The following KIF26B variants were observed in gnomAD, a reference collection of about 807,000 sequenced individuals.
The protein encoded by KIF26B is kinesin family member 26B, also known as kinesin-like protein KIF26B.
Under a neutral mutation model 151.2 loss-of-function variants are expected in KIF26B, and 63 were observed. The observed-to-expected ratio is 0.42, with a 90% CI of 0.34 to 0.51. The LOEUF (loss-of-function observed/expected upper bound fraction) is 0.51, where lower values mean the gene tolerates loss of function less well. KIF26B is among the 20% of genes least tolerant of loss of function. The probability of loss-of-function intolerance (pLI) is 0.07; values close to 1 mark genes in which losing one functional copy is unlikely to be tolerated. For missense variants in KIF26B, 2,813 were observed against 2,913.6 expected (o/e 0.97, Z 0.79); for synonymous variants, 1,357 against 1,262.1 (o/e 1.08, Z -1.59).
intron 2 of KIF26B, among the ~76,000 whole-genome samples, chr1:245,160,355 A>C (rs1668512202): frequency 6.6e-6 from 1 of 152,200 alleles, no homozygotes; most frequent in African/African-American, 2.4e-5. Flanking sequence ...CCTTTTACCC[A>C]CTGTAGCCTT....
chr1:245,607,112 T>G (rs1278092866), intron 6 of KIF26B, among the ~76,000 whole-genome samples: 1 of 134,362 alleles, frequency 7.4e-6, no homozygotes, highest in Non-Finnish European at 1.6e-5. Flanking sequence ...GAATTGAAAA[T>G]GAGGAAAGAG....
intron 2 of KIF26B, among the ~76,000 whole-genome samples, chr1:245,176,926 C>T (rs1668817742): frequency 6.6e-6 from 1 of 152,210 alleles, no homozygotes; most frequent in South Asian, 2.1e-4. Flanking sequence ...CATAGACACA[C>T]AGGGGTATGG....
intron 3 of KIF26B, among the ~76,000 whole-genome samples, chr1:245,405,569 C>T (rs536553717): frequency 1.1e-4 from 16 of 151,924 alleles, no homozygotes; most frequent in African/African-American, 3.9e-4. Flanking sequence ...GACTCTCCCT[C>T]TCTGTATTTC....
chr1:245,333,324 A>G (rs77668514), intron 2 of KIF26B, among the ~76,000 whole-genome samples: 38,986 of 152,082 alleles, frequency 0.26, 7,429 homozygotes, highest in African/African-American at 0.51. Flanking sequence ...CATGATGTTA[A>G]GTCGAATCAG....
chr1:245,420,005 G>A (rs1289065414), intron 4 of KIF26B, among the ~76,000 whole-genome samples: 1 of 152,144 alleles, frequency 6.6e-6, no homozygotes, highest in Non-Finnish European at 1.5e-5. Context: ...CCCTCCTCCA[G>A]TCGTGACTAC....
In KIF26B at chr1:245,666,907, A is replaced by G. The variant is rs945273429; in HGVS notation, c.2259-17326A>G. Among the ~76,000 whole-genome samples the G allele has an allele frequency of 2.6e-5, 4 of 152,284 alleles. No homozygotes were observed. The East Asian group carries it at 7.7e-4, about 29-fold the overall frequency. On this transcript the variant is annotated intron_variant, in intron 10 of 14. Coordinates refer to ENST00000407071, the MANE Select transcript of KIF26B (RefSeq NM_018012.4). The stretch of plus-strand genomic sequence containing the variant: ...ACAGCGGGGTCTGAGTGGCTTGGCC[A>G]GAGTCTTGGCCTCAAATTGAGGGCA...
At chr1:245,668,880 G>A (rs1242487412) in intron 10 of KIF26B, among the ~76,000 whole-genome samples, 1 of 152,006 alleles carries the variant, frequency 6.6e-6, no homozygotes, top group African/African-American at 2.4e-5. Context: ...TAGTAGAGAT[G>A]GGGTTTCGCC....
At chr1:245,628,866 CA>C (rs1470277411) in intron 9 of KIF26B, among the ~76,000 whole-genome samples, 1 of 152,136 alleles carries the variant, frequency 6.6e-6, no homozygotes, top group African/African-American at 2.4e-5. Flanking sequence ...CATTGGAGCC[CA>C]AAAACTTCTT....
chr1:245,204,455 C>T (rs567109190), intron 2 of KIF26B, among the ~76,000 whole-genome samples: 19 of 151,898 alleles, frequency 1.3e-4, no homozygotes, highest in Non-Finnish European at 1.8e-4. Context: ...CTCACCGCAA[C>T]ATCCATCTCC....
chr1:245,566,443 C>T (rs2043011109), intron 5 of KIF26B, among the ~76,000 whole-genome samples: 1 of 152,194 alleles, frequency 6.6e-6, no homozygotes, highest in African/African-American at 2.4e-5. Flanking sequence ...TAATTGTGCT[C>T]ACTGTATAAA....
At chr1:245,617,716 A>C (rs912627626) in intron 9 of KIF26B, among the ~76,000 whole-genome samples, 3 of 152,122 alleles carry the variant, frequency 2.0e-5, no homozygotes, top group African/African-American at 7.2e-5. Flanking sequence ...GCCAGGAGAC[A>C]CTATTCTGAA....
intron 4 of KIF26B, among the ~76,000 whole-genome samples, chr1:245,422,681 A>G (rs1208696105): frequency 6.6e-6 from 1 of 152,262 alleles, no homozygotes; most frequent in Non-Finnish European, 1.5e-5. Flanking sequence ...TACACCTCCA[A>G]TCTGTGCTCA....
At chr1:245,247,115 C>G (rs1480087994) in intron 2 of KIF26B, among the ~76,000 whole-genome samples, 1 of 152,116 alleles carries the variant, frequency 6.6e-6, no homozygotes, top group African/African-American at 2.4e-5. Context: ...CTTAACAGTG[C>G]CTGCCACTGT....
chr1:245,241,300 G>A lies in KIF26B; in HGVS notation c.465+84617G>A, dbSNP rs1007347721. 6.6e-6 allele frequency among the ~76,000 whole-genome samples: 1 copy of A among 152,082 alleles called. No homozygotes were observed. The highest frequency in any genetic ancestry group is 1.5e-5 in the Non-Finnish European group (1 of 67,988). Reference sequence around the variant, plus strand: ...GAAGCCAGAGGGTGCCCCGACAGAGGAAAAGCGGCCGGTGGGTTTTAGATC... The same window carrying A: ...GAAGCCAGAGGGTGCCCCGACAGAGAAAAAGCGGCCGGTGGGTTTTAGATC... On this transcript the variant is annotated intron_variant, in intron 2 of 14. Transcript: ENST00000407071. This position sits in a 1 kb window ranked among gnomAD's most constrained non-coding sequence, Gnocchi z 5.0.
chr1:245,265,832 T>C (rs1227756350), intron 2 of KIF26B, among the ~76,000 whole-genome samples: 1 of 152,110 alleles, frequency 6.6e-6, no homozygotes, highest in East Asian at 1.9e-4. Flanking sequence ...GGTTTCGAAC[T>C]CCTGAGCTCA....
In KIF26B at chr1:245,581,521, G is replaced by A. The variant is rs561143288; in HGVS notation, c.1351-21056G>A. ...TTTTCTTACAGCCACCTATTCTCTC[G>A]CCTGGACATATATTCAGTGAATGCT... On this transcript the variant is annotated intron_variant, in intron 5 of 14. Coordinates refer to ENST00000407071, the MANE Select transcript of KIF26B (RefSeq NM_018012.4). 6.4e-4 allele frequency among the ~76,000 whole-genome samples: 98 copies of A among 152,178 alleles called. No individual in the cohort carries two copies. The South Asian group carries it at 7.9e-3, about 12-fold the overall frequency.
At chr1:245,637,872 T>C (rs550178753) in intron 9 of KIF26B, among the ~76,000 whole-genome samples, 98 of 152,178 alleles carry the variant, frequency 6.4e-4, no homozygotes, top group African/African-American at 1.9e-3. Context: ...TGTGTCTGTT[T>C]TTATGCCAGT....
intron 12 of KIF26B, among the ~76,000 whole-genome samples, chr1:245,690,611 G>A (rs2044611342): frequency 6.6e-6 from 1 of 152,208 alleles, no homozygotes; most frequent in Non-Finnish European, 1.5e-5. Flanking sequence ...TGCAGATGTA[G>A]TTTTATGATA....
At chr1:245,372,258 T>C (rs919801296) in intron 3 of KIF26B, among the ~76,000 whole-genome samples, 4 of 152,184 alleles carry the variant, frequency 2.6e-5, no homozygotes, top group African/African-American at 9.7e-5. Context: ...CCTGATGATC[T>C]GAGGTGGAGC....
Sources: allele counts gnomAD v4.1 joint callset (sites outside exome capture counted in the v4.1 genomes callset), GRCh38; gene constraint gnomAD v4.1.1; non-coding constraint Gnocchi (gnomAD v3.1); transcripts MANE v1.5; gene names NCBI Gene and HGNC (gene_info 2026-07-23, HGNC 2026-07-21).